Variants in MYCBP2 observed in about 807,000 individuals in gnomAD.
The protein encoded by MYCBP2 is E3 ubiquitin-protein ligase MYCBP2.
Under a neutral mutation model 525.3 loss-of-function variants are expected in MYCBP2, and 120 were observed. The observed-to-expected ratio is 0.23, with a 90% CI of 0.20 to 0.27. The LOEUF (loss-of-function observed/expected upper bound fraction) is 0.27. Among genes scored for constraint, MYCBP2 ranks in the 10% least tolerant of loss-of-function variants. The pLI is 1.00. For synonymous variants in MYCBP2, 1,894 were observed against 1,955.8 expected (o/e 0.97, Z 0.83); for missense variants, 4,149 against 5,657.1 (o/e 0.73, Z 8.55).
intron 53 of MYCBP2, among the ~76,000 whole-genome samples, chr13:77,125,750 A>C (rs987525393): frequency 2.0e-5 from 3 of 152,138 alleles, no homozygotes; most frequent in Non-Finnish European, 2.9e-5. Flanking sequence ...CACATGGCTC[A>C]TTTTCTTTTT....
intron 44 of MYCBP2, among the ~76,000 whole-genome samples, chr13:77,158,969 T>A (rs1307535647): frequency 6.6e-6 from 1 of 152,264 alleles, no homozygotes; most frequent in Non-Finnish European, 1.5e-5. Context: ...GCAAGTCTTA[T>A]GTTTTTGGAG....
chr13:77,202,120 T>C (rs1202293488), intron 26 of MYCBP2, among the ~76,000 whole-genome samples: 1 of 151,416 alleles, frequency 6.6e-6, no homozygotes, highest in Non-Finnish European at 1.5e-5. Context: ...TTTGAAAGGA[T>C]CAACAAAATT....
intron 1 of MYCBP2, among the ~76,000 whole-genome samples, chr13:77,300,396 T>G (rs111404634): frequency 0.01 from 1,583 of 152,358 alleles, 9 homozygotes; most frequent in Non-Finnish European, 0.017. Flanking sequence ...GAGAGGAGTG[T>G]GCATATATTA....
chr13:77,319,061 T>C (rs1042594171), intron 1 of MYCBP2, among the ~76,000 whole-genome samples: 3 of 152,182 alleles, frequency 2.0e-5, no homozygotes, highest in African/African-American at 7.2e-5. Context: ...CATGGTATTC[T>C]TTTGTGTCTG....
intron 57 of MYCBP2, among the ~76,000 whole-genome samples, chr13:77,095,843 T>A (rs532189688): frequency 6.6e-6 from 1 of 152,296 alleles, no homozygotes; most frequent in African/African-American, 2.4e-5. Flanking sequence ...ACCTAACTAG[T>A]TAAATCTAAA....
intron 38 of MYCBP2, among the ~76,000 whole-genome samples, chr13:77,170,366 T>C (rs999916710): frequency 6.6e-6 from 1 of 152,206 alleles, no homozygotes; most frequent in Non-Finnish European, 1.5e-5. Flanking sequence ...AGACCTTTAT[T>C]TTATAAGCCA....
chr13:77,074,766 A>G (rs1002648925), intron 68 of MYCBP2, among the ~76,000 whole-genome samples: 4 of 152,248 alleles, frequency 2.6e-5, no homozygotes, highest in African/African-American at 9.6e-5. Context: ...AAAAGGCTAC[A>G]TTCTGAGTGG....
intron 80 of MYCBP2, among the ~76,000 whole-genome samples, chr13:77,052,655 A>T (rs372910895): frequency 6.6e-6 from 1 of 152,244 alleles, no homozygotes; most frequent in South Asian, 2.1e-4. Flanking sequence ...AATTTTTCTC[A>T]TTTTGAAATA....
chr13:77,274,697 C>G (rs2075314101), intron 4 of MYCBP2, among the ~76,000 whole-genome samples: 3 of 152,176 alleles, frequency 2.0e-5, no homozygotes, highest in Admixed American at 6.5e-5. Flanking sequence ...TCATCATCAT[C>G]TTTCCAATCC....
chr13:77,152,546 C>A (rs985318207), intron 46 of MYCBP2, among the ~76,000 whole-genome samples: 2 of 152,182 alleles, frequency 1.3e-5, no homozygotes, highest in African/African-American at 4.8e-5. Flanking sequence ...CCCTGCCCCC[C>A]TACCCTATGC....
intron 2 of MYCBP2, among the ~76,000 whole-genome samples, chr13:77,289,976 A>G (rs529786712): frequency 6.6e-6 from 1 of 152,308 alleles, no homozygotes; most frequent in South Asian, 2.1e-4. Flanking sequence ...CCACATATCC[A>G]ACAAAGGATG....
intron 55 of MYCBP2, among the ~76,000 whole-genome samples, chr13:77,106,508 T>C (rs541433969): frequency 6.6e-6 from 1 of 152,226 alleles, no homozygotes; most frequent in Non-Finnish European, 1.5e-5. Flanking sequence ...CTGTCACCAA[T>C]ACTCAGAGCA....
intron 14 of MYCBP2, among the ~76,000 whole-genome samples, chr13:77,254,154 C>T (rs958056207): frequency 6.6e-6 from 1 of 151,640 alleles, no homozygotes; most frequent in African/African-American, 2.4e-5. Context: ...CAGATTAACA[C>T]TTATAAAAAC....
At position 77,212,077 on chromosome 13, in the gene MYCBP2, A is replaced by G. The variant is rs150152461; in HGVS notation, c.3141T>C (p.Tyr1047=). 2 of 1,613,988 alleles carry G rather than the reference A, an allele frequency of 1.2e-6. No individual in the cohort carries two copies. Among genetic ancestry groups the G allele is most frequent in the Non-Finnish European group, 1.7e-6 (2 of 1,179,976 alleles). The change falls in exon 22 of 83, where the codon TAT becomes TAC. Residue 1047 remains tyrosine, a synonymous_variant. Transcript: ENST00000544440. ...PAPMPNIGSK[Y]GRKATWIGAS... ...CACCTATCCAAGTAGCTTTTCTTCC[A>G]TATTTTGATCCAATGTTAGGCATGG...
chr13:77,095,651 C>A (rs762470345), intron 57 of MYCBP2, 49 bp from the exon 58 acceptor site: 2 of 1,577,598 alleles, frequency 1.3e-6, no homozygotes, highest in South Asian at 2.3e-5. Context: ...ACATTAAAAT[C>A]CTTAGTTTCT....
chr13:77,113,560 G>C (rs144520983), intron 55 of MYCBP2, among the ~76,000 whole-genome samples: 8 of 152,254 alleles, frequency 5.3e-5, no homozygotes, highest in African/African-American at 1.9e-4. Flanking sequence ...AAACAAAGAG[G>C]TGGGGGAAGA....
rs568841719 is a variant in MYCBP2 at position 77,260,679 on chromosome 13, C to T, written c.1853-87G>A. The T allele has an allele frequency of 2.8e-4, 335 of 1,180,274 alleles. 2 individuals carry two copies. Among genetic ancestry groups the T allele is most frequent in the Middle Eastern group, 1.1e-3 (4 of 3,680 alleles). The allele number at this position is 1,180,274 out of a possible 1,614,324, so 73.1% of individuals were successfully genotyped here. A position where few individuals can be genotyped will look rare whatever the true frequency, so the allele number is the denominator to read the frequency against. ...TGTATATAAAGCTAAAAAAAAAACCCATATTATTTGCATTTATGACACTAT... is the reference window on the plus strand; with the variant it reads ...TGTATATAAAGCTAAAAAAAAAACCTATATTATTTGCATTTATGACACTAT... On this transcript the variant is annotated intron_variant, in intron 12 of 82. Transcript: ENST00000544440.
intron 15 of MYCBP2, among the ~76,000 whole-genome samples, chr13:77,244,601 A>G (rs1275501839): frequency 6.6e-6 from 1 of 152,242 alleles, no homozygotes; most frequent in Non-Finnish European, 1.5e-5. Context: ...GGACACAGGC[A>G]TGGGCAAAGA....
At chr13:77,179,102 T>A (rs1035780982) in intron 34 of MYCBP2, among the ~76,000 whole-genome samples, 2 of 152,166 alleles carry the variant, frequency 1.3e-5, no homozygotes, top group African/African-American at 2.4e-5. Flanking sequence ...ACGTATGAAT[T>A]TCATACAATG....
Sources: allele counts gnomAD v4.1 joint callset (sites outside exome capture counted in the v4.1 genomes callset), GRCh38; gene constraint gnomAD v4.1.1; transcripts MANE v1.5; gene names NCBI Gene and HGNC (gene_info 2026-07-23, HGNC 2026-07-21).